Variants in COL5A1 observed in about 807,000 individuals in gnomAD.
COL5A1 encodes collagen type V alpha 1 chain, also known as collagen alpha-1(V) chain.
COL5A1 carries 16 observed loss-of-function variants against 263.7 expected under a neutral mutation model. That is an observed-to-expected ratio of 0.06 (90% CI 0.04 to 0.09). The LOEUF (loss-of-function observed/expected upper bound fraction) is 0.09, where lower values mean the gene tolerates loss of function less well. Ranked by LOEUF, COL5A1 falls within the 10% of genes least tolerant of loss-of-function variation. COL5A1 has a pLI of 1.00. For synonymous variants in COL5A1, 1,012 were observed against 1,004.5 expected (o/e 1.01, Z -0.14); for missense variants, 2,036 against 2,540.5 (o/e 0.80, Z 4.27).
At chr9:134,751,148 T>C (rs1835766125) in intron 13 of COL5A1, among the ~76,000 whole-genome samples, 1 of 150,582 alleles carries the variant, frequency 6.6e-6, no homozygotes, top group South Asian at 2.1e-4. Flanking sequence ...CACTGTCCAG[T>C]AGGGACCCCG....
chr9:134,790,127 G>A (rs1837615424), intron 32 of COL5A1, among the ~76,000 whole-genome samples: 1 of 152,212 alleles, frequency 6.6e-6, no homozygotes, highest in Admixed American at 6.5e-5. Context: ...GAGCTACAGG[G>A]TTGCAGCTCC....
rs1836641648 is a variant in COL5A1 at position 134,765,819 on chromosome 9, G to A, written c.2088+85G>A. Reference sequence around the variant, plus strand: ...CCAGCCGGTGGACGCTTGGGCACTGGGGCAGCAAGTCCGTGCTGGCCCCTC... The same window carrying A: ...CCAGCCGGTGGACGCTTGGGCACTGAGGCAGCAAGTCCGTGCTGGCCCCTC... On this transcript the variant is annotated intron_variant, in intron 21 of 65. Coordinates refer to ENST00000371817, the MANE Select transcript of COL5A1 (RefSeq NM_000093.5). This position sits in a 1 kb window ranked among gnomAD's most constrained non-coding sequence, Gnocchi z 5.1. 7.5e-6 allele frequency: 9 copies of A among 1,194,478 alleles called. No individual in the cohort carries two copies. Among genetic ancestry groups the A allele is most frequent in the Non-Finnish European group, 9.7e-6 (8 of 824,318 alleles). The allele number at this position is 1,194,478 out of a possible 1,614,324, so 74.0% of individuals were successfully genotyped here.
intron 1 of COL5A1, 88 bp from the exon 2 acceptor site, chr9:134,690,824 G>A: frequency 6.7e-7 from 1 of 1,485,760 alleles, no homozygotes; most frequent in Non-Finnish European, 9.4e-7. Context: ...GTGGGGGTGG[G>A]GGTGCTTCCT....
At chr9:134,795,203 G>A in intron 33 of COL5A1, 59 bp from the exon 34 acceptor site, 3 of 1,612,624 alleles carry the variant, frequency 1.9e-6, no homozygotes, top group Non-Finnish European at 2.5e-6. Context: ...GGGGCTGGGG[G>A]AAGGCAGTGT....
intron 1 of COL5A1, among the ~76,000 whole-genome samples, chr9:134,672,855 G>T (rs779438634): frequency 6.6e-6 from 1 of 152,094 alleles, no homozygotes; most frequent in Non-Finnish European, 1.5e-5. Context: ...AAAATTCATT[G>T]TATTTCTAGA....
chr9:134,761,880 A>G (rs780633564), intron 18 of COL5A1, 45 bp from the exon 19 acceptor site: 16 of 1,600,750 alleles, frequency 1.0e-5, no homozygotes, highest in African/African-American at 9.4e-5. Flanking sequence ...CAAGCCCTGC[A>G]TGACCTGCTC....
At position 134,796,731 on chromosome 9, in the gene COL5A1, A is replaced by G. The variant is rs3811161; in HGVS notation, c.2845-117A>G. Reference sequence around the variant, plus strand: ...GGGCTGGAATAATGGAGGAAAGGCCATGGGGGTGGGAAGAAATGACACCTG... The same window carrying G: ...GGGCTGGAATAATGGAGGAAAGGCCGTGGGGGTGGGAAGAAATGACACCTG... On this transcript the variant is annotated intron_variant, in intron 35 of 65. Coordinates refer to ENST00000371817, the MANE Select transcript of COL5A1 (RefSeq NM_000093.5). 0.51 allele frequency: 506,758 copies of G among 987,228 alleles called. 132,268 individuals are homozygous for G. Among genetic ancestry groups the G allele is most frequent in the East Asian group, 0.76 (31,950 of 41,874 alleles). The allele number at this position is 987,228 out of a possible 1,614,324, so 61.2% of individuals were successfully genotyped here. A position where few individuals can be genotyped will look rare whatever the true frequency, so the allele number is the denominator to read the frequency against.
At chr9:134,814,495 G>A (rs757125200) in intron 49 of COL5A1, among the ~76,000 whole-genome samples, 23 of 152,178 alleles carry the variant, frequency 1.5e-4, no homozygotes, top group Non-Finnish European at 3.4e-4. Flanking sequence ...GAGTCTGTGG[G>A]CACCCCTTGT....
rs574768920 is a variant in COL5A1 at position 134,822,609 on chromosome 9, G to A, written c.4609-389G>A. Among the ~76,000 whole-genome samples the A allele has an allele frequency of 8.9e-4, 135 of 152,174 alleles. 1 individual carries two copies. The highest frequency in any genetic ancestry group is 3.7e-3 in the Admixed American group (56 of 15,296). On this transcript the variant is annotated intron_variant, in intron 59 of 65. Coordinates refer to ENST00000371817, the MANE Select transcript of COL5A1 (RefSeq NM_000093.5). ...AGCCGCTGGGCTGCAGGTACACATG[G>A]CCCCCGGGGGCCCCTGGCACGCTGA...
At chr9:134,793,419 G>A (rs1188638732) in intron 32 of COL5A1, among the ~76,000 whole-genome samples, 1 of 152,126 alleles carries the variant, frequency 6.6e-6, no homozygotes, top group Admixed American at 6.5e-5. Context: ...TCCAGTCACA[G>A]GGACTCGAGA....
intron 19 of COL5A1, among the ~76,000 whole-genome samples, 156 bp downstream of exon 19, chr9:134,762,134 G>A (rs1435165586): frequency 6.6e-6 from 1 of 152,246 alleles, no homozygotes; most frequent in African/African-American, 2.4e-5. Context: ...AGTGGGCAAA[G>A]CGATTGATCA....
At chr9:134,674,540 T>C (rs1832635243) in intron 1 of COL5A1, among the ~76,000 whole-genome samples, 1 of 152,084 alleles carries the variant, frequency 6.6e-6, no homozygotes, top group Non-Finnish European at 1.5e-5. Flanking sequence ...GATGAGGGTG[T>C]GGAGGGTACA....
At chr9:134,813,938 T>C in intron 48 of COL5A1, 45 bp from the exon 49 acceptor site, 1 of 1,541,664 alleles carries the variant, frequency 6.5e-7, no homozygotes, top group Non-Finnish European at 8.8e-7. Context: ...ACTGCGTTCA[T>C]CGCGGTGCTC....
chr9:134,650,446 A>T (rs554215043), intron 1 of COL5A1, among the ~76,000 whole-genome samples: 1 of 152,198 alleles, frequency 6.6e-6, no homozygotes, highest in African/African-American at 2.4e-5. Context: ...GGCAGCATTT[A>T]TGGACCCCTA....
intron 11 of COL5A1, among the ~76,000 whole-genome samples, chr9:134,739,237 C>T (rs978303375): frequency 2.0e-5 from 3 of 152,234 alleles, no homozygotes; most frequent in Non-Finnish European, 2.9e-5. Flanking sequence ...GGCTCAGAGG[C>T]ATCCTCGGGT....
intron 4 of COL5A1, among the ~76,000 whole-genome samples, chr9:134,707,876 G>A (rs1833891404): frequency 1.3e-5 from 2 of 152,228 alleles, no homozygotes; most frequent in Admixed American, 1.3e-4. Flanking sequence ...CCGTGAAGAT[G>A]AGCAGACTTC....
chr9:134,807,689 T>A (rs1020452111), intron 42 of COL5A1, among the ~76,000 whole-genome samples: 2 of 152,204 alleles, frequency 1.3e-5, no homozygotes, highest in African/African-American at 4.8e-5. Context: ...GGAAACCACA[T>A]TGGAAACATC....
intron 42 of COL5A1, chr9:134,808,891 T>A (rs539190183): frequency 1.8e-5 from 9 of 491,734 alleles, no homozygotes; most frequent in African/African-American, 1.7e-4. Flanking sequence ...TGGATTTGGA[T>A]CCTGTCTCTA....
At chr9:134,737,004 T>G (rs1835124209) in intron 9 of COL5A1, among the ~76,000 whole-genome samples, 1 of 152,242 alleles carries the variant, frequency 6.6e-6, no homozygotes, top group African/African-American at 2.4e-5. Context: ...ACAGCAGGTC[T>G]CAGGAGTTGG....
Sources: gnomAD v4.1 joint callset for allele counts (sites outside exome capture counted in the v4.1 genomes callset) on GRCh38, gnomAD v4.1.1 for gene constraint, Gnocchi (gnomAD v3.1) non-coding constraint, MANE v1.5 for transcripts, NCBI Gene and HGNC (gene_info 2026-07-23, HGNC 2026-07-21) for gene names.